The following TAFA5 variants were observed in gnomAD, a reference collection of about 807,000 sequenced individuals.
The protein encoded by TAFA5 is TAFA chemokine like family member 5, also known as chemokine-like protein TAFA-5.
In TAFA5, 6 loss-of-function variants were observed where a neutral mutation model predicts 15.3. That is an observed-to-expected ratio of 0.39 (90% CI 0.21 to 0.77). TAFA5 has a LOEUF of 0.77. Ranked by LOEUF, TAFA5 falls within the 30% of genes least tolerant of loss-of-function variation. The pLI is 0.41. For missense variants in TAFA5, 161 were observed against 193.1 expected, an observed-to-expected ratio of 0.83 and a Z score of 0.98; for synonymous variants, 103 against 80.7, an observed-to-expected ratio of 1.28 and a Z score of -1.48.
intron 3 of TAFA5, among the ~76,000 whole-genome samples, chr22:48,740,147 G>A (rs1930138763): frequency 6.6e-6 from 1 of 152,188 alleles, no homozygotes; most frequent in Admixed American, 6.5e-5. Flanking sequence ...CCCTGGAGAG[G>A]GTGAATGGAT....
At chr22:48,699,086 C>T (rs948659041) in intron 2 of TAFA5, among the ~76,000 whole-genome samples, 3 of 152,024 alleles carry the variant, frequency 2.0e-5, no homozygotes, top group Non-Finnish European at 4.4e-5. Flanking sequence ...GGATGTACCA[C>T]CATGCCCAGC....
chr22:48,557,455 C>T (rs1053945992), intron 1 of TAFA5, among the ~76,000 whole-genome samples: 1 of 152,164 alleles, frequency 6.6e-6, no homozygotes, highest in Non-Finnish European at 1.5e-5. Flanking sequence ...CTGCCCTGAG[C>T]GATGCTGGGG....
In TAFA5 at chr22:48,542,607, GTGGT is replaced by G. The variant is rs1922481586; in HGVS notation, c.112+52904_112+52907del. On this transcript the variant is annotated intron_variant, in intron 1 of 3. Transcript: ENST00000402357. ...GCGGGTGTGTGGTGTGTATGTGTGT[GTGGT>G]GTGTGTGTGGTGTGTGTGGGTGTGT... 2.4e-5 allele frequency among the ~76,000 whole-genome samples: 3 copies of G among 127,548 alleles called. 1 individual carries two copies. The highest frequency in any genetic ancestry group is 6.1e-5 in the African/African-American group (2 of 33,048). The allele number at this position is 127,548 out of a possible 152,430, so 83.7% of individuals were successfully genotyped here.
intron 1 of TAFA5, among the ~76,000 whole-genome samples, chr22:48,630,366 G>T (rs1007706694): frequency 1.3e-5 from 2 of 152,182 alleles, no homozygotes; most frequent in Non-Finnish European, 2.9e-5. Context: ...AGGGGCAGGC[G>T]CCCAGAGCTG....
chr22:48,532,096 C>T (rs534486690), intron 1 of TAFA5, among the ~76,000 whole-genome samples: 37 of 152,338 alleles, frequency 2.4e-4, no homozygotes, highest in African/African-American at 6.0e-4. Flanking sequence ...CTGCCTCCTC[C>T]GGACGAGGAA....
chr22:48,556,705 C>G (rs1322539560), intron 1 of TAFA5, among the ~76,000 whole-genome samples: 1 of 152,166 alleles, frequency 6.6e-6, no homozygotes, highest in South Asian at 2.1e-4. Flanking sequence ...CAGTCCGACC[C>G]GAGAGGGAGT....
intron 1 of TAFA5, among the ~76,000 whole-genome samples, chr22:48,605,508 C>G (rs1047461839): frequency 6.7e-6 from 1 of 149,412 alleles, no homozygotes; most frequent in East Asian, 2.0e-4. Flanking sequence ...GTAATGGCAA[C>G]GATGGTTGTG....
intron 2 of TAFA5, among the ~76,000 whole-genome samples, chr22:48,689,668 C>T (rs1928476984): frequency 9.7e-6 from 1 of 102,978 alleles, no homozygotes; most frequent in South Asian, 3.2e-4. Flanking sequence ...GGCGGACAGA[C>T]TGGCCTGTCC....
chr22:48,585,909 AAC>A, intron 1 of TAFA5, among the ~76,000 whole-genome samples: 1 of 152,158 alleles, frequency 6.6e-6, no homozygotes, highest in Non-Finnish European at 1.5e-5. Flanking sequence ...AAACATCATA[AAC>A]ACACGTTACA....
intron 1 of TAFA5, among the ~76,000 whole-genome samples, chr22:48,573,922 G>C (rs536694085): frequency 6.6e-6 from 1 of 152,304 alleles, no homozygotes; most frequent in South Asian, 2.1e-4. Context: ...TGGGGGCCAG[G>C]GGTGAGCACA....
At chr22:48,737,051 G>A (rs1193905367) in intron 3 of TAFA5, among the ~76,000 whole-genome samples, 1 of 152,104 alleles carries the variant, frequency 6.6e-6, no homozygotes, top group Non-Finnish European at 1.5e-5. Context: ...CTCTCCCCTG[G>A]TCCCCAGGGG....
At chr22:48,628,562 G>T (rs1926103992) in intron 1 of TAFA5, among the ~76,000 whole-genome samples, 1 of 152,216 alleles carries the variant, frequency 6.6e-6, no homozygotes, top group African/African-American at 2.4e-5. Context: ...TTTGCTCCCT[G>T]TGCAGCCCCA....
At chr22:48,632,368 C>A (rs5771758) in intron 1 of TAFA5, among the ~76,000 whole-genome samples, 24,360 of 152,150 alleles carry the variant, frequency 0.16, 2,523 homozygotes, top group East Asian at 0.4. Context: ...TCCCACAGGG[C>A]AGTCTTATAG....
intron 1 of TAFA5, among the ~76,000 whole-genome samples, chr22:48,617,574 C>T (rs538734873): frequency 6.6e-6 from 1 of 152,244 alleles, no homozygotes; most frequent in African/African-American, 2.4e-5. Flanking sequence ...ACTCACTGTC[C>T]TCACTGTCGT....
intron 1 of TAFA5, among the ~76,000 whole-genome samples, chr22:48,600,943 C>T (rs1407723149): frequency 6.6e-6 from 1 of 152,116 alleles, no homozygotes; most frequent in African/African-American, 2.4e-5. Context: ...GTCATTCCCC[C>T]GGCTCCCTCT....
At chr22:48,661,025 A>G (rs1024041818) in intron 2 of TAFA5, among the ~76,000 whole-genome samples, 1 of 152,156 alleles carries the variant, frequency 6.6e-6, no homozygotes, top group African/African-American at 2.4e-5. Flanking sequence ...TTCCAGCTCC[A>G]CTATTATGGA....
chr22:48,612,805 C>G (rs1427662893), intron 1 of TAFA5, among the ~76,000 whole-genome samples: 1 of 152,200 alleles, frequency 6.6e-6, no homozygotes, highest in African/African-American at 2.4e-5. Flanking sequence ...TGATGTGTCT[C>G]CATGTGTCCC....
chr22:48,747,235 A>G (rs1930354593), intron 3 of TAFA5, among the ~76,000 whole-genome samples: 1 of 152,234 alleles, frequency 6.6e-6, no homozygotes. Flanking sequence ...TGGGATTGCT[A>G]GAATGAATGC....
In TAFA5 at chr22:48,566,351, T is replaced by A. The variant is rs572173203; in HGVS notation, c.112+76647T>A. 5.0e-4 allele frequency among the ~76,000 whole-genome samples: 75 copies of A among 150,252 alleles called. No individual in the cohort carries two copies. Among genetic ancestry groups the A allele is most frequent in the Non-Finnish European group, 9.2e-4 (62 of 67,404 alleles). On this transcript the variant is annotated intron_variant, in intron 1 of 3. Transcript: ENST00000402357. The surrounding 1 kb of genome is among the most constrained non-coding windows in gnomAD (Gnocchi z 4.5). ...CGATGGGTGGATGATGAATGGATGG[T>A]GATGGGTGGACGGATGGTGGATGGA...
Sources: allele counts gnomAD v4.1 joint callset (sites outside exome capture counted in the v4.1 genomes callset), GRCh38; gene constraint gnomAD v4.1.1; non-coding constraint Gnocchi (gnomAD v3.1); transcripts MANE v1.5; gene names NCBI Gene and HGNC (gene_info 2026-07-23, HGNC 2026-07-21).